The following DIPK2A variants were observed in gnomAD, a reference collection of about 807,000 sequenced individuals.
The protein encoded by DIPK2A is divergent protein kinase domain 2A, also known as Golgi Protein of 49 kDa.
In DIPK2A, 27 loss-of-function variants were observed where a neutral mutation model predicts 39.0. The observed-to-expected ratio is 0.69, with a 90% confidence interval of 0.51 to 0.96. The LOEUF (loss-of-function observed/expected upper bound fraction) is 0.96, where lower values mean the gene tolerates loss of function less well. DIPK2A is among the 40% of genes least tolerant of loss of function. DIPK2A has a pLI of 0.00. For missense variants in DIPK2A, 528 were observed against 571.3 expected (o/e 0.92, Z 0.77); for synonymous variants, 298 against 240.8 (o/e 1.24, Z -2.20).
At chr3:143,975,324 TTAAC>T in intron 1 of DIPK2A, among the ~76,000 whole-genome samples, 1 of 152,258 alleles carries the variant, frequency 6.6e-6, no homozygotes, top group East Asian at 1.9e-4. Context: ...TAAAACCTGA[TTAAC>T]AAGCAAGTAG....
intron 1 of DIPK2A, chr3:143,978,626 A>ATC (rs1174611146): frequency 1.2e-4 from 4 of 33,938 alleles, no homozygotes; most frequent in South Asian, 7.6e-4. Flanking sequence ...CTATATCTAT[A>ATC]TATATATATA....
intron 2 of DIPK2A, among the ~76,000 whole-genome samples, chr3:143,986,460 T>C (rs999408431): frequency 1.3e-5 from 2 of 152,146 alleles, no homozygotes; most frequent in Admixed American, 6.5e-5. Context: ...TGCGGTGGCT[T>C]ACGCCTGTAA....
intron 2 of DIPK2A, 149 bp from the exon 3 acceptor site, chr3:143,989,361 A>G (rs2107849871): frequency 3.4e-6 from 2 of 591,018 alleles, no homozygotes; most frequent in Non-Finnish European, 5.8e-6. Context: ...GTTTGTATGA[A>G]TTTATATATT....
Position 143,972,155 on chromosome 3 carries a change from G to C in DIPK2A, c.-178G>C. The C allele has an allele frequency of 2.1e-6, 1 of 478,526 alleles. No individual in the cohort carries two copies. The highest frequency in any genetic ancestry group is 3.5e-6 in the Non-Finnish European group (1 of 289,128). The allele number at this position is 478,526 out of a possible 1,614,324, so 29.6% of individuals were successfully genotyped here. The stretch of plus-strand genomic sequence containing the variant: ...ACTGGGAGAAGTCGCAGCCCGCTCA[G>C]GCCCGCGCCTTCCCGCTCCCCGTCT... On this transcript the variant is annotated 5_prime_UTR_variant, in exon 1 of 3. Transcript: ENST00000315691.
chr3:143,972,645 C>G lies in DIPK2A; in HGVS notation c.313C>G (p.Arg105Gly), dbSNP rs750474086. The G allele has an allele frequency of 1.2e-6, 2 of 1,611,320 alleles. No individual in the cohort carries two copies. The highest frequency in any genetic ancestry group is 3.3e-5 in the Admixed American group (2 of 59,950). ...CGGCGAGCCCCGCGAGGGCGGCCGC[C>G]GCCGAGTGGTGCTCAAGCGCCTCGG... ...QYGEPREGGR[R>G]RVVLKRLGSQ... Residue 105 changes from arginine (R) to glycine (G), a missense_variant, in exon 1 of 3, where the codon CGC becomes GGC. Coordinates refer to ENST00000315691, the MANE Select transcript of DIPK2A (RefSeq NM_173552.5).
chr3:143,976,299 C>T (rs1436818698), intron 1 of DIPK2A, among the ~76,000 whole-genome samples: 5 of 151,814 alleles, frequency 3.3e-5, no homozygotes, highest in African/African-American at 2.4e-5. Flanking sequence ...ACCCTTTCCT[C>T]GTCGTCACAT....
chr3:143,972,244 G>C lies in DIPK2A; in HGVS notation c.-89G>C. ...CGCGCGCTAGCTCCTTCTCTCGCCC[G>C]GGGTTCCTGCCGGTAGCTCTCCGGG... is the stretch of plus-strand genomic sequence containing the variant. On this transcript the variant is annotated 5_prime_UTR_variant, in exon 1 of 3. Transcript: ENST00000315691. 8.2e-7 allele frequency: 1 copy of C among 1,222,208 alleles called. No individual in the cohort carries two copies. Among genetic ancestry groups the C allele is most frequent in the Non-Finnish European group, 1.1e-6 (1 of 946,442 alleles). 75.7% of individuals were successfully genotyped at this position (1,222,208 alleles called of 1,614,324 possible). A position where few individuals can be genotyped will look rare whatever the true frequency, so the allele number is the denominator to read the frequency against.
chr3:143,975,262 T>A (rs1006287928), intron 1 of DIPK2A, among the ~76,000 whole-genome samples: 2 of 152,122 alleles, frequency 1.3e-5, no homozygotes, highest in African/African-American at 4.8e-5. Context: ...TACTGTGTAA[T>A]ATAATTTTGG....
Position 143,972,360 on chromosome 3 carries a change from G to T in DIPK2A, c.28G>T (p.Gly10Cys). Residue 10 changes from glycine to cysteine, a missense_variant, in exon 1 of 3, where the codon GGC (glycine) becomes TGC (cysteine). Gly to Cys is a radical substitution (Grantham distance 159). Transcript: ENST00000315691. MWRLVPPKL[G>C]RLSRSLKLAA... ...GTGGCGCCTGGTGCCCCCGAAGCTG[G>T]GCCGCCTGTCCCGCTCGCTGAAGCT... 4 of 1,381,506 alleles carry T rather than the reference G, an allele frequency of 2.9e-6. No individual in the cohort carries two copies. The highest frequency in any genetic ancestry group is 3.7e-6 in the Non-Finnish European group (4 of 1,069,596). The allele number at this position is 1,381,506 out of a possible 1,614,324, so 85.6% of individuals were successfully genotyped here. A position where few individuals can be genotyped will look rare whatever the true frequency, so the allele number is the denominator to read the frequency against.
rs2087993828 is a variant in DIPK2A, at chr3:143,991,880, C to T, written c.*2039C>T. 1 of 152,156 alleles carries T rather than the reference C, an allele frequency of 6.6e-6. No homozygotes were observed. 9.4% of individuals were successfully genotyped at this position (152,156 alleles called of 1,614,324 possible). On this transcript the variant is annotated 3_prime_UTR_variant, in exon 3 of 3. Coordinates refer to ENST00000315691, the MANE Select transcript of DIPK2A (RefSeq NM_173552.5). ...GGTTGTCTGTCTATGGTTTAGCAAA[C>T]ATTTGCTTTTCTTTTTGGAAGTGTG...
chr3:143,975,863 T>G (rs754484003), intron 1 of DIPK2A, among the ~76,000 whole-genome samples: 1 of 152,110 alleles, frequency 6.6e-6, no homozygotes, highest in Non-Finnish European at 1.5e-5. Context: ...TTGAACTGAC[T>G]TCATCCAAGT....
chr3:143,982,601 C>G (rs75312732), intron 1 of DIPK2A, among the ~76,000 whole-genome samples: 2 of 151,956 alleles, frequency 1.3e-5, no homozygotes, highest in African/African-American at 4.8e-5. Flanking sequence ...TGAAGGAAGC[C>G]CTGAATATGG....
Position 143,985,654 on chromosome 3 carries a change from T to C in DIPK2A, c.769T>C (p.Trp257Arg). Residue 257 changes from tryptophan (W) to arginine (R), a missense_variant, in exon 2 of 3, where the codon TGG (tryptophan) becomes CGG (arginine). Physicochemically the swap from Trp to Arg is moderately radical, Grantham distance 101. Around this residue, in one of 2 missense-constraint regions of DIPK2A, gnomAD observed 219 missense variants for 281.5 expected, o/e 0.78. Coordinates refer to ENST00000315691, the MANE Select transcript of DIPK2A (RefSeq NM_173552.5). ...ACTGTGGAGTTACTTTAATGCGCCA[T>C]GGGAAAAACGAGTTGACCTCGCTTG... ...EELWSYFNAP[W>R]EKRVDLAWQL... 1.2e-6 allele frequency: 2 copies of C among 1,614,132 alleles called. No homozygotes were observed. Among genetic ancestry groups the C allele is most frequent in the Non-Finnish European group, 1.7e-6 (2 of 1,179,966 alleles).
intron 1 of DIPK2A, among the ~76,000 whole-genome samples, chr3:143,983,166 G>A (rs1229588287): frequency 7.2e-5 from 11 of 152,060 alleles, no homozygotes; most frequent in Admixed American, 7.2e-4. Flanking sequence ...TTAGACAAAC[G>A]AGACAGAAAA....
chr3:143,975,149 C>A (rs375570959), intron 1 of DIPK2A, among the ~76,000 whole-genome samples: 3 of 151,992 alleles, frequency 2.0e-5, no homozygotes, highest in Non-Finnish European at 4.4e-5. Context: ...CATGTCTCCA[C>A]GTTTTAGAGT....
intron 1 of DIPK2A, among the ~76,000 whole-genome samples, chr3:143,976,090 C>T (rs965202256): frequency 1.3e-5 from 2 of 151,966 alleles, no homozygotes; most frequent in Non-Finnish European, 2.9e-5. Context: ...ACACACATAC[C>T]TTATCTATGT....
At chr3:143,973,991 C>T (rs2087695353) in intron 1 of DIPK2A, among the ~76,000 whole-genome samples, 1 of 152,164 alleles carries the variant, frequency 6.6e-6, no homozygotes, top group Non-Finnish European at 1.5e-5. Context: ...GTTTCTCCTT[C>T]TGTCTGCAGG....
rs1576816451 is a variant in DIPK2A at position 143,992,057 on chromosome 3, A to G, written c.*2216A>G. Reference sequence around the variant, plus strand: ...TGAGAAGATAGTAAAAGAATTAGGAATTTAAAATTACAGGGAAAAATATGT... The same window carrying G: ...TGAGAAGATAGTAAAAGAATTAGGAGTTTAAAATTACAGGGAAAAATATGT... On this transcript the variant is annotated 3_prime_UTR_variant, in exon 3 of 3. Transcript: ENST00000315691. The G allele has an allele frequency of 6.5e-6, 1 of 152,786 alleles. No individual in the cohort carries two copies. The highest frequency in any genetic ancestry group is 1.9e-4 in the East Asian group (1 of 5,194). The allele number at this position is 152,786 out of a possible 1,614,324, so 9.5% of individuals were successfully genotyped here.
intron 1 of DIPK2A, among the ~76,000 whole-genome samples, chr3:143,982,518 G>T (rs1175585824): frequency 6.6e-6 from 1 of 152,112 alleles, no homozygotes; most frequent in Non-Finnish European, 1.5e-5. Flanking sequence ...AAGCGAAGGA[G>T]AAATAAAATC....
Sources: gnomAD v4.1 joint callset for allele counts (sites outside exome capture counted in the v4.1 genomes callset) on GRCh38, gnomAD v4.1.1 for gene constraint, gnomAD v4.1.1 regional missense constraint, MANE v1.5 for transcripts, NCBI Gene and HGNC (gene_info 2026-07-23, HGNC 2026-07-21) for gene names.